Variants in TALDO1 observed in about 807,000 individuals in gnomAD.
TALDO1 encodes the protein transaldolase.
In TALDO1, 29 loss-of-function variants were observed where a neutral mutation model predicts 38.1. The ratio of observed to expected loss-of-function variants is 0.76; its 90% CI spans 0.57 to 1.04. TALDO1 has a LOEUF of 1.04. Among genes scored for constraint, TALDO1 ranks in the 50% least tolerant of loss-of-function variants. TALDO1 has a pLI of 0.00. For missense variants in TALDO1, 499 were observed against 438.1 expected (o/e 1.14, Z -1.24); for synonymous variants, 207 against 176.8 (o/e 1.17, Z -1.36).
In TALDO1 at chr11:764,335, C is replaced by G. The variant is rs148205547; in HGVS notation, c.883C>G (p.Arg295Gly). ...AATCCACCTGGATGAGAAGTCTTTC[C>G]GTTGGTTGCACAACGAGGACCAGAT... is the stretch of plus-strand genomic sequence containing the variant. Reference protein sequence around the residue: ...EKIHLDEKSFRWLHNEDQMAV... With the variant: ...EKIHLDEKSFGWLHNEDQMAV... The change falls in exon 7 of 8, where the codon CGT becomes GGT. Residue 295 changes from arginine (R) to glycine (G), a missense_variant. Coordinates refer to ENST00000319006, the MANE Select transcript of TALDO1 (RefSeq NM_006755.2). The G allele has an allele frequency of 6.8e-6, 11 of 1,614,136 alleles. No homozygotes were observed. The highest frequency in any genetic ancestry group is 7.6e-6 in the Non-Finnish European group (9 of 1,180,054).
chr11:756,200 C>G (rs1862835945), intron 2 of TALDO1, 198 bp downstream of exon 2: 1 of 784,000 alleles, frequency 1.3e-6, no homozygotes, highest in Admixed American at 2.9e-5. Flanking sequence ...ATGAGCAGTT[C>G]AGAGAGTTTT....
In TALDO1 at chr11:759,056, A is replaced by G. The variant is rs766745943; in HGVS notation, c.328A>G (p.Arg110Gly). Reference sequence around the variant, plus strand: ...CCGAGTATCCACAGAAGTAGACGCAAGGTAAGGATGCTTGCTCCTGCACTG... The same window carrying G: ...CCGAGTATCCACAGAAGTAGACGCAGGGTAAGGATGCTTGCTCCTGCACTG... ...PGRVSTEVDARLSFDKDAMVA... is the reference protein window; with the variant it reads ...PGRVSTEVDAGLSFDKDAMVA... The change falls in exon 3 of 8, where the codon AGG becomes GGG. Residue 110 changes from arginine to glycine, a missense_variant and splice_region_variant. Transcript: ENST00000319006. 5 of 1,611,024 alleles carry G rather than the reference A, an allele frequency of 3.1e-6. No individual in the cohort carries two copies. The highest frequency in any genetic ancestry group is 3.4e-6 in the Non-Finnish European group (4 of 1,177,904).
At chr11:764,158 G>A in intron 6 of TALDO1, 130 bp from the exon 7 acceptor site, 1 of 1,541,580 alleles carries the variant, frequency 6.5e-7, no homozygotes, top group Non-Finnish European at 8.9e-7. Flanking sequence ...CTTCCAGCGT[G>A]AGCCTTGCTG....
chr11:758,811 T>C, intron 2 of TALDO1, 139 bp from the exon 3 acceptor site: 1 of 604,306 alleles, frequency 1.7e-6, no homozygotes, highest in Non-Finnish European at 3.1e-6. Context: ...TTCACCGTGT[T>C]AGCCAGGATG....
chr11:747,619 C>T (rs1276481339), intron 1 of TALDO1, 41 bp downstream of exon 1: 23 of 1,494,736 alleles, frequency 1.5e-5, no homozygotes, highest in Non-Finnish European at 2.1e-5. Context: ...CAAGCGCCCT[C>T]CAGAGGCCCC....
chr11:755,189 T>C (rs1034086411), intron 1 of TALDO1, among the ~76,000 whole-genome samples: 2 of 123,026 alleles, frequency 1.6e-5, no homozygotes, highest in Admixed American at 2.0e-4. Flanking sequence ...CTGTCACCCA[T>C]GCTGGAGTGC....
At chr11:763,032 C>T (rs192638261) in intron 4 of TALDO1, among the ~76,000 whole-genome samples, 11 of 152,306 alleles carry the variant, frequency 7.2e-5, no homozygotes, top group African/African-American at 2.6e-4. Flanking sequence ...TGGAGAAAAT[C>T]CTGGTCACCC....
chr11:756,150 T>A, intron 2 of TALDO1, 148 bp downstream of exon 2: 1 of 1,219,906 alleles, frequency 8.2e-7, no homozygotes, highest in East Asian at 2.6e-5. Flanking sequence ...TTTTGTTTAT[T>A]GAAGTGTAAT....
In TALDO1 at chr11:755,979, T is replaced by A; in HGVS notation, c.198T>A (p.Ile66=). 1.9e-6 allele frequency: 3 copies of A among 1,613,672 alleles called. No individual in the cohort carries two copies. The highest frequency in any genetic ancestry group is 2.5e-6 in the Non-Finnish European group (3 of 1,179,908). The change falls in exon 2 of 8, where the codon ATT becomes ATA. Residue 66 remains isoleucine (I), a synonymous_variant. Transcript: ENST00000319006. ...PAYQELVEEA[I]AYGRKLGGSQ... is the part of the protein sequence containing the mutation. ...ACCAGGAGCTGGTGGAGGAGGCGATTGCCTATGGCCGGAAGCTGGGCGGGT... is the reference window on the plus strand; with the variant it reads ...ACCAGGAGCTGGTGGAGGAGGCGATAGCCTATGGCCGGAAGCTGGGCGGGT...
intron 6 of TALDO1, 148 bp downstream of exon 6, chr11:764,092 C>T (rs1863007597): frequency 2.2e-6 from 3 of 1,338,310 alleles, no homozygotes; most frequent in South Asian, 1.3e-5. Flanking sequence ...GAGGGCTTGG[C>T]TTTCCTAACA....
chr11:758,619 T>C (rs1316698066), intron 2 of TALDO1, among the ~76,000 whole-genome samples: 1 of 152,030 alleles, frequency 6.6e-6, no homozygotes, highest in Non-Finnish European at 1.5e-5. Context: ...TTTTTTTTTT[T>C]CTTGAGATGG....
In TALDO1 at chr11:747,542, T is replaced by A. The variant is rs149073638; in HGVS notation, c.61T>A (p.Phe21Ile). 7.5e-6 allele frequency: 12 copies of A among 1,596,942 alleles called. No homozygotes were observed. The highest frequency in any genetic ancestry group is 1.7e-4 in the Middle Eastern group (1 of 6,018). Reference sequence around the variant, plus strand: ...GTCCGCGCTGGACCAGCTCAAGCAGTTCACCACCGTGGTGGCCGACACGGG... The same window carrying A: ...GTCCGCGCTGGACCAGCTCAAGCAGATCACCACCGTGGTGGCCGACACGGG... The part of the protein sequence containing the change: ...MESALDQLKQ[F>I]TTVVADTGDF... The change falls in exon 1 of 8, where the codon TTC becomes ATC. Residue 21 changes from phenylalanine to isoleucine, a missense_variant. By Grantham distance (21) the Phe-to-Ile change is conservative. Transcript: ENST00000319006.
chr11:751,919 T>G (rs1862758382), intron 1 of TALDO1, among the ~76,000 whole-genome samples: 1 of 152,192 alleles, frequency 6.6e-6, no homozygotes, highest in Non-Finnish European at 1.5e-5. Context: ...GTTATAATGT[T>G]GGGGCACTCT....
chr11:759,075 T>A lies in TALDO1; in HGVS notation c.329+18T>A, dbSNP rs754089425. The stretch of plus-strand genomic sequence containing the variant: ...GACGCAAGGTAAGGATGCTTGCTCC[T>A]GCACTGGATGGGCTGGTCAGGTGTC... On this transcript the variant is annotated intron_variant, in intron 3 of 7. Coordinates refer to ENST00000319006, the MANE Select transcript of TALDO1 (RefSeq NM_006755.2). The A allele has an allele frequency of 2.5e-6, 4 of 1,597,996 alleles. No homozygotes were observed. In the East Asian group the frequency reaches 9.0e-5, roughly 36 times the overall value.
intron 4 of TALDO1, among the ~76,000 whole-genome samples, chr11:762,012 C>T (rs1862933977): frequency 6.6e-6 from 1 of 151,874 alleles, no homozygotes; most frequent in South Asian, 2.1e-4. Flanking sequence ...CTCGTCCATG[C>T]TGGAGTGCAA....
Position 763,723 on chromosome 11 carries a change from G to A in TALDO1, c.638-24G>A, listed in dbSNP as rs577770990. The stretch of plus-strand genomic sequence containing the variant: ...GTGGTACCTCTGCCGAAGCCTTCCT[G>A]GTCACAGCTTGGTCTCTTTCCAGGG... On this transcript the variant is annotated intron_variant, in intron 5 of 7. Transcript: ENST00000319006. 1,140 of 1,613,258 alleles carry A rather than the reference G, an allele frequency of 7.1e-4. 21 individuals are homozygous for A. The South Asian group carries it at 0.012, about 17-fold the overall frequency.
chr11:759,585 T>A (rs917647063), intron 3 of TALDO1, among the ~76,000 whole-genome samples: 1 of 151,452 alleles, frequency 6.6e-6, no homozygotes, highest in African/African-American at 2.4e-5. Context: ...TTTGATTTGT[T>A]TTGTTTGTTT....
intron 2 of TALDO1, among the ~76,000 whole-genome samples, chr11:758,674 T>G (rs11246304): frequency 6.6e-6 from 1 of 151,756 alleles, no homozygotes; most frequent in South Asian, 2.1e-4. Flanking sequence ...GCACGATCTC[T>G]GCTCACTGCA....
intron 6 of TALDO1, 112 bp from the exon 7 acceptor site, chr11:764,176 G>C: frequency 6.3e-7 from 1 of 1,587,968 alleles, no homozygotes; most frequent in Non-Finnish European, 8.6e-7. Flanking sequence ...CTGGGGCCAA[G>C]GCCTGGCCCT....
Sources: allele counts gnomAD v4.1 joint callset (sites outside exome capture counted in the v4.1 genomes callset), GRCh38; gene constraint gnomAD v4.1.1; transcripts MANE v1.5; gene names NCBI Gene and HGNC (gene_info 2026-07-23, HGNC 2026-07-21).